APP: variants seen among roughly 807,000 people sequenced by gnomAD.
APP encodes amyloid-beta precursor protein.
APP carries 31 observed loss-of-function variants against 101.4 expected under a neutral mutation model. The ratio of observed to expected loss-of-function variants is 0.31; its 90% CI spans 0.23 to 0.41. The LOEUF (loss-of-function observed/expected upper bound fraction) is 0.41. APP is among the 10% of genes least tolerant of loss of function. The pLI is 1.00. For missense variants in APP, 839 were observed against 1,003.7 expected, an observed-to-expected ratio of 0.84 and a Z score of 2.22; for synonymous variants, 366 against 364.4, an observed-to-expected ratio of 1.00 and a Z score of -0.05.
intron 3 of APP, among the ~76,000 whole-genome samples, chr21:26,073,232 T>G (rs553551508): frequency 6.6e-6 from 1 of 152,176 alleles, no homozygotes; most frequent in South Asian, 2.1e-4. Context: ...TTTTGCAATA[T>G]TTGGAATTTC....
At chr21:26,013,033 C>G (rs1221556442) in intron 6 of APP, among the ~76,000 whole-genome samples, 1 of 150,076 alleles carries the variant, frequency 6.7e-6, no homozygotes, top group Non-Finnish European at 1.5e-5. Context: ...AAAAGGTGCA[C>G]CCAGCTGGTG....
intron 13 of APP, among the ~76,000 whole-genome samples, chr21:25,912,238 G>A (rs564596837): frequency 8.6e-5 from 13 of 150,554 alleles, no homozygotes; most frequent in East Asian, 1.9e-4. Flanking sequence ...GTGCTGCAGC[G>A]TGGCACTGCT....
intron 8 of APP, among the ~76,000 whole-genome samples, chr21:25,994,850 A>C (rs1233658316): frequency 6.6e-6 from 1 of 152,254 alleles, no homozygotes; most frequent in Non-Finnish European, 1.5e-5. Context: ...GCTATAAATA[A>C]GACCACATAG....
intron 3 of APP, among the ~76,000 whole-genome samples, chr21:26,076,099 G>A (rs1175043838): frequency 6.6e-6 from 1 of 152,026 alleles, no homozygotes; most frequent in East Asian, 1.9e-4. Flanking sequence ...TCACTATGTT[G>A]GCCAGGCTGG....
chr21:26,094,443 C>G (rs1410391294), intron 2 of APP, among the ~76,000 whole-genome samples: 1 of 151,752 alleles, frequency 6.6e-6, no homozygotes, highest in South Asian at 2.1e-4. Flanking sequence ...GAAACAAACA[C>G]GTTAAAATTT....
intron 2 of APP, among the ~76,000 whole-genome samples, chr21:26,105,081 A>G (rs1416129389): frequency 1.3e-5 from 2 of 151,800 alleles, no homozygotes; most frequent in Admixed American, 6.6e-5. Context: ...AAAAAAAAAA[A>G]AAAAAAAAGA....
At chr21:25,951,094 A>G (rs1436708036) in intron 13 of APP, among the ~76,000 whole-genome samples, 1 of 151,440 alleles carries the variant, frequency 6.6e-6, no homozygotes, top group Non-Finnish European at 1.5e-5. Flanking sequence ...GTGGGAAAGT[A>G]GCATGAACAG....
intron 13 of APP, among the ~76,000 whole-genome samples, chr21:25,939,929 T>C (rs1053455446): frequency 6.6e-6 from 1 of 152,188 alleles, no homozygotes; most frequent in African/African-American, 2.4e-5. Context: ...ATCTCCTTCC[T>C]TTTTAATCAG....
At chr21:25,980,446 T>C (rs1601100379) in intron 9 of APP, among the ~76,000 whole-genome samples, 1 of 143,074 alleles carries the variant, frequency 7.0e-6, no homozygotes, top group Non-Finnish European at 1.5e-5. Flanking sequence ...GTGTCTTTCC[T>C]AAGGAAAGAT....
chr21:26,119,699 C>CAG (rs2062521282), intron 1 of APP, among the ~76,000 whole-genome samples: 1 of 152,050 alleles, frequency 6.6e-6, no homozygotes, highest in African/African-American at 2.4e-5. Context: ...CACACACACA[C>CAG]ACACACATAT....
intron 1 of APP, among the ~76,000 whole-genome samples, chr21:26,157,807 A>G (rs879321923): frequency 1.3e-5 from 2 of 152,234 alleles, no homozygotes; most frequent in African/African-American, 4.8e-5. Flanking sequence ...TTCTGTTTCA[A>G]TAACACCAGC....
intron 14 of APP, among the ~76,000 whole-genome samples, chr21:25,909,220 G>T (rs542758090): frequency 1.1e-4 from 16 of 139,562 alleles, no homozygotes; most frequent in Non-Finnish European, 1.5e-4. Context: ...CTGAGATCGC[G>T]CCACTGCACT....
At chr21:25,932,823 A>G (rs899868330) in intron 13 of APP, among the ~76,000 whole-genome samples, 1 of 152,104 alleles carries the variant, frequency 6.6e-6, no homozygotes, top group Non-Finnish European at 1.5e-5. Flanking sequence ...TTTTCTTCTT[A>G]CACAATCAGA....
chr21:26,125,316 T>C (rs1037678310), intron 1 of APP, among the ~76,000 whole-genome samples: 1 of 152,170 alleles, frequency 6.6e-6, no homozygotes, highest in Non-Finnish European at 1.5e-5. Flanking sequence ...TTAAAAGCTA[T>C]ATTTTAGGGC....
At position 26,126,402 on chromosome 21, in the gene APP, A is replaced by G. The variant is rs953551333; in HGVS notation, c.58-14256T>C. ...AATGAAGGTAAATCCCCAAATATCC[A>G]TAACACTCACTTTGTTTTCTGTGTA... On this transcript the variant is annotated intron_variant, in intron 1 of 17. Coordinates refer to ENST00000346798, the MANE Select transcript of APP (RefSeq NM_000484.4). Among the ~76,000 whole-genome samples, 7 of 152,234 alleles carry G rather than the reference A, an allele frequency of 4.6e-5. 1 individual carries two copies. The South Asian group carries it at 8.3e-4, about 18-fold the overall frequency.
chr21:25,889,121 G>A (rs1787436), intron 17 of APP, among the ~76,000 whole-genome samples: 140,054 of 152,260 alleles, frequency 0.92, 64,593 homozygotes, highest in African/African-American at 0.96. Context: ...TGTCCCCCTA[G>A]AATTCATATG....
intron 6 of APP, among the ~76,000 whole-genome samples, chr21:26,014,104 C>T (rs914453035): frequency 2.0e-5 from 3 of 152,146 alleles, no homozygotes; most frequent in Non-Finnish European, 4.4e-5. Flanking sequence ...GGAGCCATTA[C>T]CCTTTTGCCC....
chr21:25,901,309 A>C (rs1188177826), intron 15 of APP, among the ~76,000 whole-genome samples: 2 of 114,980 alleles, frequency 1.7e-5, no homozygotes, highest in Admixed American at 9.1e-5. Context: ...AAAAAAAAAA[A>C]AAAAAAAAAC....
intron 9 of APP, among the ~76,000 whole-genome samples, chr21:25,977,968 AG>A (rs2042284363): frequency 6.6e-6 from 1 of 152,250 alleles, no homozygotes; most frequent in Non-Finnish European, 1.5e-5. Flanking sequence ...TCTTCAAGCA[AG>A]GAATCTCAAA....
Sources: gnomAD v4.1 joint callset for allele counts (sites outside exome capture counted in the v4.1 genomes callset) on GRCh38, gnomAD v4.1.1 for gene constraint, MANE v1.5 for transcripts, NCBI Gene and HGNC (gene_info 2026-07-23, HGNC 2026-07-21) for gene names.